ADAMTS18: variants seen among roughly 807,000 people sequenced by gnomAD.
ADAMTS18 encodes the protein ADAM metallopeptidase with thrombospondin type 1 motif 18, also known as A disintegrin and metalloproteinase with thrombospondin motifs 18.
Under a neutral mutation model 165.9 loss-of-function variants are expected in ADAMTS18, and 157 were observed. The observed-to-expected ratio is 0.95, with a 90% CI of 0.83 to 1.08. ADAMTS18 has a LOEUF of 1.08. Among genes scored for constraint, ADAMTS18 ranks in the 50% least tolerant of loss-of-function variants. ADAMTS18 has a pLI of 0.00. For synonymous variants in ADAMTS18, 782 were observed against 578.2 expected (o/e 1.35, Z -5.06); for missense variants, 2,040 against 1,534.0 (o/e 1.33, Z -5.51).
In ADAMTS18 at chr16:77,433,004, T is replaced by A. The variant is rs556136434; in HGVS notation, c.179-1393A>T. On this transcript the variant is annotated intron_variant, in intron 2 of 22. Coordinates refer to ENST00000282849, the MANE Select transcript of ADAMTS18 (RefSeq NM_199355.4). ...TCCTTTAACTAAAAATGCTGTATAA[T>A]TGACATACATATTTTACAATAATGG... Among the ~76,000 whole-genome samples, 135 of 152,338 alleles carry A rather than the reference T, an allele frequency of 8.9e-4. 1 individual carries two copies. The highest frequency in any genetic ancestry group is 1.8e-3 in the Non-Finnish European group (122 of 68,026).
rs1597270976 is a variant in ADAMTS18, at chr16:77,433,551, G to A, written c.178+867C>T. 6 of 152,346 alleles carry A rather than the reference G, an allele frequency of 3.9e-5. No individual in the cohort carries two copies. In the East Asian group the frequency reaches 1.2e-3, roughly 29 times the overall value. 9.4% of individuals were successfully genotyped at this position (152,346 alleles called of 1,614,324 possible). The stretch of plus-strand genomic sequence containing the variant: ...ATCTGATCCTGATATAAGAATGAGG[G>A]GTGGTTTTAGAAACTGCAGCCTCTC... On this transcript the variant is annotated intron_variant, in intron 2 of 22. Transcript: ENST00000282849.
chr16:77,430,368 T>G (rs891937263), intron 3 of ADAMTS18, among the ~76,000 whole-genome samples: 2 of 152,196 alleles, frequency 1.3e-5, no homozygotes, highest in Admixed American at 6.5e-5. Context: ...ACTGAAAGTT[T>G]CAACTAACAA....
Position 77,293,189 on chromosome 16 carries a change from G to C in ADAMTS18, c.3076C>G (p.Leu1026Val), listed in dbSNP as rs1229975613. The C allele has an allele frequency of 6.2e-7, 1 of 1,613,990 alleles. No homozygotes were observed. Among genetic ancestry groups the C allele is most frequent in the East Asian group, 2.2e-5 (1 of 44,858 alleles). Residue 1026 changes from leucine to valine, a missense_variant, in exon 20 of 23, where the codon CTC becomes GTC. Coordinates refer to ENST00000282849, the MANE Select transcript of ADAMTS18 (RefSeq NM_199355.4). ...AGACTGGTACACTGGCTCTCGGGGAGGGTTTCTGCGGCAGAGCCCTTGCAG... is the reference window on the plus strand; with the variant it reads ...AGACTGGTACACTGGCTCTCGGGGACGGTTTCTGCGGCAGAGCCCTTGCAG... ...LLCKGSAAETLPESQCTSLPR... is the reference protein window; with the variant it reads ...LLCKGSAAETVPESQCTSLPR...
At chr16:77,410,892 T>C (rs1184442260) in intron 3 of ADAMTS18, among the ~76,000 whole-genome samples, 2 of 152,334 alleles carry the variant, frequency 1.3e-5, no homozygotes, top group East Asian at 3.9e-4. Flanking sequence ...ACCTTCCTTT[T>C]TATCATCAAA....
At chr16:77,365,420 T>G (rs779199060) in intron 4 of ADAMTS18, among the ~76,000 whole-genome samples, 9 of 152,238 alleles carry the variant, frequency 5.9e-5, no homozygotes, top group Admixed American at 1.3e-4. Context: ...AACTCTCATT[T>G]CATCAACACA....
chr16:77,357,572 C>A (rs972754252), intron 8 of ADAMTS18, among the ~76,000 whole-genome samples: 1 of 152,104 alleles, frequency 6.6e-6, no homozygotes, highest in East Asian at 1.9e-4. Flanking sequence ...ATCCCAGAAA[C>A]AGAGATGGGG....
rs575632057 is a variant in ADAMTS18 at position 77,298,211 on chromosome 16, C to T, written c.2675-796G>A. ...TATTATAGTCATGAGCCACTGCACC[C>T]GGCCTCTGCTTTTGCTTCCTTAGTG... On this transcript the variant is annotated intron_variant, in intron 17 of 22. Coordinates refer to ENST00000282849, the MANE Select transcript of ADAMTS18 (RefSeq NM_199355.4). 5.0e-4 allele frequency among the ~76,000 whole-genome samples: 76 copies of T among 152,048 alleles called. 1 individual carries two copies. The highest frequency in any genetic ancestry group is 1.8e-3 in the African/African-American group (74 of 41,472).
chr16:77,381,560 T>C (rs2144771339), intron 3 of ADAMTS18, among the ~76,000 whole-genome samples: 1 of 152,190 alleles, frequency 6.6e-6, no homozygotes, highest in Admixed American at 6.5e-5. Context: ...TCCCAGCACT[T>C]TGGGAGGCCG....
rs552110010 is a variant in ADAMTS18 at position 77,356,573 on chromosome 16, A to G, written c.1323-496T>C. Among the ~76,000 whole-genome samples, 5 of 152,322 alleles carry G rather than the reference A, an allele frequency of 3.3e-5. No homozygotes were observed. In the South Asian group the frequency reaches 1.0e-3, roughly 32 times the overall value. On this transcript the variant is annotated intron_variant, in intron 8 of 22. Coordinates refer to ENST00000282849, the MANE Select transcript of ADAMTS18 (RefSeq NM_199355.4). ...AAAAACTTCTCTCCAACTATGATCA[A>G]TTTATTAGCTGAAATCACAAACTCT... is the stretch of plus-strand genomic sequence containing the variant.
At position 77,431,529 on chromosome 16, in the gene ADAMTS18, C is replaced by T; in HGVS notation, c.261G>A (p.Lys87=). ...AGCTTCTGGCATTCTGCGCCGATCGCTTTTTCCTGCCGTTGTGCAAAATGT... is the reference window on the plus strand; with the variant it reads ...AGCTTCTGGCATTCTGCGCCGATCGTTTTTTCCTGCCGTTGTGCAAAATGT... ...SHDILHNGRK[K]RSAQNARSSL... The change falls in exon 3 of 23, where the codon AAG becomes AAA. Residue 87 remains lysine (K), a synonymous_variant. Coordinates refer to ENST00000282849, the MANE Select transcript of ADAMTS18 (RefSeq NM_199355.4). 1.9e-6 allele frequency: 3 copies of T among 1,614,164 alleles called. No homozygotes were observed. The highest frequency in any genetic ancestry group is 2.5e-6 in the Non-Finnish European group (3 of 1,180,030).
intron 3 of ADAMTS18, among the ~76,000 whole-genome samples, chr16:77,419,859 G>T (rs2057578645): frequency 6.6e-6 from 1 of 151,700 alleles, no homozygotes; most frequent in Admixed American, 6.6e-5. Context: ...AATTAGCTGG[G>T]TATGGTAGTG....
At chr16:77,288,285 G>T (rs1299110998) in intron 22 of ADAMTS18, among the ~76,000 whole-genome samples, 1 of 152,074 alleles carries the variant, frequency 6.6e-6, no homozygotes, top group Non-Finnish European at 1.5e-5. Flanking sequence ...ATTAAGGGTG[G>T]AAATGAGAAA....
At chr16:77,382,862 A>AAC (rs1482455013) in intron 3 of ADAMTS18, among the ~76,000 whole-genome samples, 1 of 152,126 alleles carries the variant, frequency 6.6e-6, no homozygotes, top group Non-Finnish European at 1.5e-5. Flanking sequence ...GTCTGCTAAT[A>AAC]ACACTCCTCT....
intron 11 of ADAMTS18, 137 bp from the exon 12 acceptor site, chr16:77,336,041 C>T: frequency 9.8e-7 from 1 of 1,016,066 alleles, no homozygotes; most frequent in Non-Finnish European, 1.5e-6. Flanking sequence ...TGATAAATTC[C>T]TCTGCTGTGC....
intron 3 of ADAMTS18, among the ~76,000 whole-genome samples, chr16:77,421,105 C>T (rs566300669): frequency 1.8e-4 from 27 of 152,258 alleles, no homozygotes; most frequent in African/African-American, 6.5e-4. Context: ...AGAAAGCATG[C>T]CCCCTTGACT....
At chr16:77,317,703 C>T (rs2055912801) in intron 16 of ADAMTS18, among the ~76,000 whole-genome samples, 1 of 152,166 alleles carries the variant, frequency 6.6e-6, no homozygotes, top group Non-Finnish European at 1.5e-5. Context: ...CATAACTCAA[C>T]ACACAGAACA....
At chr16:77,328,962 C>T (rs2056141651) in intron 12 of ADAMTS18, among the ~76,000 whole-genome samples, 1 of 152,194 alleles carries the variant, frequency 6.6e-6, no homozygotes, top group Admixed American at 6.5e-5. Flanking sequence ...GGCCTGTGGA[C>T]TCAGTCCAGG....
At chr16:77,305,153 T>C (rs972097922) in intron 16 of ADAMTS18, among the ~76,000 whole-genome samples, 5 of 152,154 alleles carry the variant, frequency 3.3e-5, no homozygotes, top group Non-Finnish European at 7.3e-5. Flanking sequence ...TATGTGCCAA[T>C]TGTAGCATAT....
At chr16:77,323,075 T>G (rs878976644) in intron 13 of ADAMTS18, among the ~76,000 whole-genome samples, 3 of 152,106 alleles carry the variant, frequency 2.0e-5, no homozygotes, top group Non-Finnish European at 4.4e-5. Context: ...AAAGGTAACT[T>G]CTCTTGGCCC....
Sources: gnomAD v4.1 joint callset for allele counts (sites outside exome capture counted in the v4.1 genomes callset) on GRCh38, gnomAD v4.1.1 for gene constraint, MANE v1.5 for transcripts, NCBI Gene and HGNC (gene_info 2026-07-23, HGNC 2026-07-21) for gene names.